The following GPC6 variants were observed in gnomAD, a reference collection of about 807,000 sequenced individuals.
GPC6 encodes glypican 6.
A neutral mutation model predicts 55.2 loss-of-function variants in GPC6; 14 were observed. The ratio of observed to expected loss-of-function variants is 0.25; its 90% CI spans 0.17 to 0.40. The LOEUF is 0.40. Ranked by LOEUF, GPC6 falls within the 10% of genes least tolerant of loss-of-function variation. The probability of loss-of-function intolerance (pLI) is 1.00; values close to 1 mark genes in which losing one functional copy is unlikely to be tolerated. For missense variants in GPC6, 641 were observed against 708.5 expected, an observed-to-expected ratio of 0.90 and a Z score of 1.08; for synonymous variants, 278 against 259.6, an observed-to-expected ratio of 1.07 and a Z score of -0.68.
chr13:93,222,469 C>G (rs1315012420), upstream of GPC6, among the ~76,000 whole-genome samples: 1 of 152,168 alleles, frequency 6.6e-6, no homozygotes, highest in African/African-American at 2.4e-5. Context: ...ATTCTTTCCA[C>G]CTACTTCACA....
In GPC6 at chr13:94,337,508, C is replaced by T. The variant is rs189434039; in HGVS notation, c.1152+31385C>T. Among the ~76,000 whole-genome samples the T allele has an allele frequency of 8.6e-5, 13 of 151,294 alleles. No homozygotes were observed. The South Asian group carries it at 1.0e-3, about 12-fold the overall frequency. ...TTTCACCCAGGCTGGAGTGCAGTGG[C>T]GCAATCTCAGCTCACCACAACCTCC... On this transcript the variant is annotated intron_variant, in intron 6 of 8. Coordinates refer to ENST00000377047, the MANE Select transcript of GPC6 (RefSeq NM_005708.5).
intron 4 of GPC6, among the ~76,000 whole-genome samples, chr13:94,063,089 G>T: frequency 6.6e-6 from 1 of 152,132 alleles, no homozygotes; most frequent in East Asian, 1.9e-4. Context: ...TGGTGTAATT[G>T]GTCACTCCAG....
intron 1 of GPC6, among the ~76,000 whole-genome samples, chr13:93,529,510 CTT>C (rs1165594323): frequency 4.7e-5 from 4 of 85,178 alleles, no homozygotes; most frequent in East Asian, 3.5e-4. Context: ...CTCTGAGATT[CTT>C]TTTTTTTTTT....
chr13:93,660,426 A>C (rs1364037216), intron 2 of GPC6, among the ~76,000 whole-genome samples: 1 of 152,200 alleles, frequency 6.6e-6, no homozygotes, highest in African/African-American at 2.4e-5. Context: ...TGCAGTGATT[A>C]AAGTGTTAAA....
intron 3 of GPC6, among the ~76,000 whole-genome samples, chr13:94,002,239 G>A (rs1881838499): frequency 6.6e-6 from 1 of 151,982 alleles, no homozygotes; most frequent in South Asian, 2.1e-4. Context: ...AAAGAAACCT[G>A]TCTAAAATTT....
At chr13:93,309,936 G>T (rs562651603) in intron 1 of GPC6, among the ~76,000 whole-genome samples, 13 of 152,300 alleles carry the variant, frequency 8.5e-5, no homozygotes, top group Admixed American at 2.0e-4. Context: ...ACCTGCTTTG[G>T]ATGATTAACT....
intron 3 of GPC6, among the ~76,000 whole-genome samples, chr13:93,895,238 A>ATG (rs1875937971): frequency 2.5e-5 from 1 of 39,722 alleles, no homozygotes; most frequent in Non-Finnish European, 5.7e-5. Context: ...GTGTGTGTAT[A>ATG]TATATATATA....
At chr13:93,447,451 C>T (rs572840673) in intron 1 of GPC6, among the ~76,000 whole-genome samples, 2 of 152,050 alleles carry the variant, frequency 1.3e-5, no homozygotes, top group Non-Finnish European at 2.9e-5. Context: ...GCACATTAGA[C>T]CATAGGTTAA....
intron 4 of GPC6, among the ~76,000 whole-genome samples, chr13:94,231,053 T>G (rs904569012): frequency 2.6e-5 from 4 of 152,152 alleles, no homozygotes; most frequent in Admixed American, 6.5e-5. Flanking sequence ...TAGCTGTGTC[T>G]CCATAGCCAT....
At chr13:93,959,174 T>C (rs1036771131) in intron 3 of GPC6, among the ~76,000 whole-genome samples, 9 of 152,112 alleles carry the variant, frequency 5.9e-5, no homozygotes, top group Non-Finnish European at 7.4e-5. Flanking sequence ...TTTTTTTTTT[T>C]TCCCTTGAGG....
At chr13:93,542,781 A>T (rs1157138311) in intron 1 of GPC6, among the ~76,000 whole-genome samples, 3 of 152,004 alleles carry the variant, frequency 2.0e-5, no homozygotes, top group Non-Finnish European at 4.4e-5. Context: ...ATTCTCTTTG[A>T]AGCAATTGTG....
At chr13:93,875,865 C>A (rs1330473707) in intron 3 of GPC6, among the ~76,000 whole-genome samples, 1 of 152,014 alleles carries the variant, frequency 6.6e-6, no homozygotes, top group East Asian at 1.9e-4. Flanking sequence ...GACAGAGATT[C>A]CATGGCAGTA....
chr13:93,924,406 T>C (rs535633556), intron 3 of GPC6, among the ~76,000 whole-genome samples: 1 of 152,360 alleles, frequency 6.6e-6, no homozygotes, highest in South Asian at 2.1e-4. Context: ...ACCATGTTTA[T>C]GGTGTTTTAA....
At chr13:93,851,075 T>A (rs1888375670) in intron 3 of GPC6, among the ~76,000 whole-genome samples, 1 of 151,938 alleles carries the variant, frequency 6.6e-6, no homozygotes, top group Admixed American at 6.6e-5. Context: ...TTGGGCTTAA[T>A]TCTAATTTTG....
intron 1 of GPC6, among the ~76,000 whole-genome samples, chr13:93,267,508 T>C (rs1877364256): frequency 6.6e-6 from 1 of 152,144 alleles, no homozygotes; most frequent in Admixed American, 6.5e-5. Flanking sequence ...TCACTTTGCA[T>C]GCTAGAAGCT....
At chr13:94,099,138 C>T (rs897197252) in intron 4 of GPC6, among the ~76,000 whole-genome samples, 1 of 152,098 alleles carries the variant, frequency 6.6e-6, no homozygotes, top group African/African-American at 2.4e-5. Flanking sequence ...ATAAAATATA[C>T]TGTTTTTATA....
At chr13:93,221,748 C>A in the GPC6 span, among the ~76,000 whole-genome samples, 1 of 152,154 alleles carries the variant, frequency 6.6e-6, no homozygotes, top group Non-Finnish European at 1.5e-5. Flanking sequence ...GGCAGAGCTA[C>A]TGTTGTTAAA....
chr13:94,338,777 C>T (rs1877860612), intron 6 of GPC6, among the ~76,000 whole-genome samples: 1 of 152,118 alleles, frequency 6.6e-6, no homozygotes, highest in Non-Finnish European at 1.5e-5. Flanking sequence ...TGTAAAATGC[C>T]TCGAGGAGAG....
intron 2 of GPC6, among the ~76,000 whole-genome samples, chr13:93,763,774 C>T (rs4558277): frequency 0.67 from 101,303 of 151,922 alleles, 34,760 homozygotes; most frequent in African/African-American, 0.81. Context: ...GCTGACCCTA[C>T]GCTTTCTCCC....
Sources: gnomAD v4.1 joint callset for allele counts (sites outside exome capture counted in the v4.1 genomes callset) on GRCh38, gnomAD v4.1.1 for gene constraint, MANE v1.5 for transcripts, NCBI Gene and HGNC (gene_info 2026-07-23, HGNC 2026-07-21) for gene names.